Variants in TRIOBP observed in about 807,000 individuals in gnomAD.
TRIOBP encodes TRIO and F-actin binding protein.
A neutral mutation model predicts 238.8 loss-of-function variants in TRIOBP; 169 were observed. That is an observed-to-expected ratio of 0.71 (90% confidence interval 0.62 to 0.80). TRIOBP has a LOEUF of 0.80. TRIOBP is among the 30% of genes least tolerant of loss of function. The pLI is 0.00. For missense variants in TRIOBP, 2,838 were observed against 3,122.6 expected (o/e 0.91, Z 2.17); for synonymous variants, 1,150 against 1,274.4 (o/e 0.90, Z 2.08).
chr22:37,727,877 C>T (rs1039801250), intron 7 of TRIOBP, among the ~76,000 whole-genome samples: 2 of 152,104 alleles, frequency 1.3e-5, no homozygotes, highest in Non-Finnish European at 2.9e-5. Context: ...AGTTCCAGCC[C>T]TCGAGTTTTC....
chr22:37,757,976 C>T lies in TRIOBP; in HGVS notation c.6051C>T (p.Asp2017=), dbSNP rs574989449. 8.8e-5 allele frequency: 139 copies of T among 1,582,356 alleles called. 1 individual carries two copies. The South Asian group carries it at 1.5e-3, about 18-fold the overall frequency. The stretch of plus-strand genomic sequence containing the variant: ...GCCTGGGTGCCCCCCTGACTGAGGA[C>T]CAGCAAAACCGGCTTAGTGAGGAGA... ...RRGLGAPLTE[D]QQNRLSEEIE... The change falls in exon 16 of 24, where the codon GAC becomes GAT. Residue 2017 remains aspartate (D), a synonymous_variant. Coordinates refer to ENST00000644935, the MANE Select transcript of TRIOBP (RefSeq NM_001039141.3).
rs7289698 is a variant in TRIOBP, at chr22:37,741,666, C to T, written c.5322+634C>T. Among the ~76,000 whole-genome samples, 1,032 of 152,342 alleles carry T rather than the reference C, an allele frequency of 6.8e-3. 12 individuals are homozygous for T. Among genetic ancestry groups the T allele is most frequent in the African/African-American group, 0.023 (964 of 41,574 alleles). ...TGTTGGCTCTGAGTCCAGCACTAGGCTGGGCACCTCAGAGACAGTGTGCCC... is the reference window on the plus strand; with the variant it reads ...TGTTGGCTCTGAGTCCAGCACTAGGTTGGGCACCTCAGAGACAGTGTGCCC... On this transcript the variant is annotated intron_variant, in intron 11 of 23. Coordinates refer to ENST00000644935, the MANE Select transcript of TRIOBP (RefSeq NM_001039141.3).
At chr22:37,737,344 A>G (rs1924721516) in intron 9 of TRIOBP, among the ~76,000 whole-genome samples, 1 of 152,146 alleles carries the variant, frequency 6.6e-6, no homozygotes, top group Admixed American at 6.5e-5. Context: ...CTGGGGCTCC[A>G]GCTGCTCCTC....
intron 11 of TRIOBP, among the ~76,000 whole-genome samples, chr22:37,744,256 C>T (rs1237912747): frequency 6.6e-6 from 1 of 152,046 alleles, no homozygotes; most frequent in South Asian, 2.1e-4. Context: ...GTGATCCACC[C>T]GCCTCGGCCT....
chr22:37,723,801 C>T lies in TRIOBP; in HGVS notation c.1245C>T (p.Ser415=). Residue 415 remains serine (S), a synonymous_variant, in exon 7 of 24, where the codon TCC becomes TCT. Coordinates refer to ENST00000644935, the MANE Select transcript of TRIOBP (RefSeq NM_001039141.3). ...CCCAGCGGGACAATCCCAAAGCCTC[C>T]AGAACCTCCTCTCCCAATAGAGCCA... ...SCAQRDNPKA[S]RTSSPNRATR... The T allele has an allele frequency of 6.4e-7, 1 of 1,563,276 alleles. No homozygotes were observed. The highest frequency in any genetic ancestry group is 8.8e-7 in the Non-Finnish European group (1 of 1,139,244).
rs977351499 is a variant in TRIOBP, at chr22:37,772,884, G to A, written c.*2+120G>A. Reference sequence around the variant, plus strand: ...TCTTCTGGCCTCCAATTCCCGTTCTGTAAAAAGGACAATGAAACCAGCAAC... The same window carrying A: ...TCTTCTGGCCTCCAATTCCCGTTCTATAAAAAGGACAATGAAACCAGCAAC... On this transcript the variant is annotated intron_variant, in intron 23 of 23. Coordinates refer to ENST00000644935, the MANE Select transcript of TRIOBP (RefSeq NM_001039141.3). 13 of 1,275,384 alleles carry A rather than the reference G, an allele frequency of 1.0e-5. No homozygotes were observed. The South Asian group carries it at 1.2e-4, about 12-fold the overall frequency. The allele number at this position is 1,275,384 out of a possible 1,614,324, so 79.0% of individuals were successfully genotyped here. A position where few individuals can be genotyped will look rare whatever the true frequency, so the allele number is the denominator to read the frequency against.
intron 17 of TRIOBP, 144 bp from the exon 18 acceptor site, chr22:37,765,520 GGTGGGA>G: frequency 2.0e-6 from 2 of 982,540 alleles, no homozygotes; most frequent in Non-Finnish European, 3.1e-6. Context: ...GTGGGGTGGG[GGTGGGA>G]GCAGGAGCAG....
chr22:37,734,882 CCT>C lies in TRIOBP; in HGVS notation c.4547_4548del (p.Pro1516ArgfsTer36), dbSNP rs921558581. 3.1e-6 allele frequency: 5 copies of C among 1,613,190 alleles called. No homozygotes were observed. Among genetic ancestry groups the C allele is most frequent in the Non-Finnish European group, 3.4e-6 (4 of 1,180,000 alleles). On this transcript the variant is annotated frameshift_variant, in exon 9 of 24. Transcript: ENST00000644935. LOFTEE classifies it high-confidence loss of function. ...AAAGAGAAGCCCACTCACGAGCCCC[CCT>C]GAGAACTGGGGAGGCCCCGCAGAGT... ...LGKRSPLTSP[P>X]ENWGGPAESS...
chr22:37,737,140 C>T (rs1924711986), intron 9 of TRIOBP, among the ~76,000 whole-genome samples: 2 of 152,180 alleles, frequency 1.3e-5, no homozygotes, highest in Non-Finnish European at 2.9e-5. Flanking sequence ...TCAAGGAGGA[C>T]ACGGTGCTGT....
chr22:37,698,069 A>G (rs954133738), intron 2 of TRIOBP, among the ~76,000 whole-genome samples: 1 of 151,640 alleles, frequency 6.6e-6, no homozygotes, highest in Non-Finnish European at 1.5e-5. Flanking sequence ...GCATGGTGGC[A>G]CATGCCTGTA....
At chr22:37,720,239 C>T (rs1396541124) in intron 6 of TRIOBP, among the ~76,000 whole-genome samples, 1 of 151,988 alleles carries the variant, frequency 6.6e-6, no homozygotes, top group East Asian at 1.9e-4. Flanking sequence ...GAACTCCCGA[C>T]CTCAGGTGAT....
chr22:37,743,592 A>G (rs896728919), intron 11 of TRIOBP, among the ~76,000 whole-genome samples: 2 of 152,122 alleles, frequency 1.3e-5, no homozygotes, highest in South Asian at 2.1e-4. Flanking sequence ...TGGCCACTGG[A>G]GCCCAGTTAG....
At chr22:37,737,657 T>G (rs1924737603) in intron 9 of TRIOBP, among the ~76,000 whole-genome samples, 1 of 106,870 alleles carries the variant, frequency 9.4e-6, no homozygotes, top group Non-Finnish European at 1.8e-5. Flanking sequence ...CGAGACTCCA[T>G]CTCAAAAAAA....
At position 37,770,148 on chromosome 22, in the gene TRIOBP, G is replaced by A. The variant is rs575076277; in HGVS notation, c.6849+773G>A. 1.6e-4 allele frequency among the ~76,000 whole-genome samples: 24 copies of A among 147,006 alleles called. 1 individual carries two copies. In the South Asian group the frequency reaches 3.8e-3, roughly 23 times the overall value. ...CAACCTCCGCCTCCCAGGTTAAAAC[G>A]ATTCTCCTGGCCGGGCGCGGTGGCT... On this transcript the variant is annotated intron_variant, in intron 21 of 23. Transcript: ENST00000644935.
chr22:37,727,323 A>G, intron 7 of TRIOBP, among the ~76,000 whole-genome samples: 1 of 151,930 alleles, frequency 6.6e-6, no homozygotes, highest in Non-Finnish European at 1.5e-5. Flanking sequence ...GCCTTGGCAA[A>G]GAAAACTCAT....
chr22:37,710,869 C>T (rs1053398406), intron 4 of TRIOBP, among the ~76,000 whole-genome samples: 2 of 152,240 alleles, frequency 1.3e-5, no homozygotes, highest in African/African-American at 4.8e-5. Context: ...CAGCTTTGCC[C>T]CAGGGTGTGT....
rs763491817 is a variant in TRIOBP at position 37,735,053 on chromosome 22, G to T, written c.4717G>T (p.Val1573Phe). 1.9e-6 allele frequency: 3 copies of T among 1,607,368 alleles called. No homozygotes were observed. The highest frequency in any genetic ancestry group is 1.6e-4 in the Middle Eastern group (1 of 6,062). ...CCTTCTCCGGGCACCAGGAGAGGGG[G>T]TCTGGGCCCGTGTCCCCAGCCTGGA... Reference protein sequence around the residue: ...LGLLRAPGEGVWARVPSLDWE... With the variant: ...LGLLRAPGEGFWARVPSLDWE... Residue 1573 changes from valine (V) to phenylalanine (F), a missense_variant, in exon 9 of 24, where the codon GTC becomes TTC. Physicochemically the swap from Val to Phe is conservative, Grantham distance 50. Transcript: ENST00000644935.
At position 37,710,621 on chromosome 22, in the gene TRIOBP, C is replaced by T. The variant is rs1308712606; in HGVS notation, c.254+55C>T. The T allele has an allele frequency of 8.3e-5, 131 of 1,571,644 alleles. 1 individual carries two copies. The Middle Eastern group carries it at 1.0e-3, about 12-fold the overall frequency. On this transcript the variant is annotated intron_variant, in intron 4 of 23. Transcript: ENST00000644935. ...CTTCATGGGGTGGAATGCCCTCACCCTTCCCATTTGCACTCCTTCCCCAAG... is the reference window on the plus strand; with the variant it reads ...CTTCATGGGGTGGAATGCCCTCACCTTTCCCATTTGCACTCCTTCCCCAAG...
chr22:37,767,733 C>T (rs1926573355), intron 18 of TRIOBP, among the ~76,000 whole-genome samples: 1 of 152,084 alleles, frequency 6.6e-6, no homozygotes, highest in Non-Finnish European at 1.5e-5. Context: ...AGGTGGGGTC[C>T]TACCTGGAAA....
Sources: gnomAD v4.1 joint callset for allele counts (sites outside exome capture counted in the v4.1 genomes callset) on GRCh38, gnomAD v4.1.1 for gene constraint, MANE v1.5 for transcripts, NCBI Gene and HGNC (gene_info 2026-07-23, HGNC 2026-07-21) for gene names.